The following SNX31 variants were observed in gnomAD, a reference collection of about 807,000 sequenced individuals.
SNX31 encodes the protein sorting nexin 31, also known as sorting nexin-31.
SNX31 carries 58 observed loss-of-function variants against 65.4 expected under a neutral mutation model. The observed-to-expected ratio is 0.89, with a 90% confidence interval of 0.72 to 1.10. The LOEUF is 1.10. SNX31 is among the 50% of genes least tolerant of loss of function. The pLI, the probability that SNX31 is intolerant of heterozygous loss-of-function variation, is 0.00. For synonymous variants in SNX31, 181 were observed against 190.1 expected, an observed-to-expected ratio of 0.95 and a Z score of 0.39; for missense variants, 523 against 529.7, an observed-to-expected ratio of 0.99 and a Z score of 0.12.
In SNX31 at chr8:100,578,392, C is replaced by G. The variant is rs963924938; in HGVS notation, c.1171-1317G>C. On this transcript the variant is annotated intron_variant, in intron 12 of 13. Transcript: ENST00000311812. The surrounding 1 kb of genome is among the most constrained non-coding windows in gnomAD (Gnocchi z 4.7). ...GCCTTTCTCCTCCAACATATTAGCT[C>G]TTTGACTCTGGATCCTCAGGTTTAG... Among the ~76,000 whole-genome samples, 3 of 152,218 alleles carry G rather than the reference C, an allele frequency of 2.0e-5. No homozygotes were observed. Among genetic ancestry groups the G allele is most frequent in the Non-Finnish European group, 4.4e-5 (3 of 68,036 alleles).
intron 5 of SNX31, 55 bp downstream of exon 5, chr8:100,617,565 C>G (rs1817324678): frequency 4.7e-6 from 6 of 1,279,270 alleles, no homozygotes; most frequent in Non-Finnish European, 5.6e-6. Flanking sequence ...CTCTGCTTTC[C>G]AAACAGAACC....
chr8:100,596,684 GA>G lies in SNX31; in HGVS notation c.932del (p.Ile311ThrfsTer5). ...ACTTCACCCTGCTCATCTGGAAAAC[GA>G]TGTCCTGGGTCTGGCTGTCAGGCAG... ...ITLPDSQTQDIVFQMSRVKCW... is the reference protein window; with the variant it reads ...ITLPDSQTQDXVFQMSRVKCW... On this transcript the variant is annotated frameshift_variant, in exon 10 of 14. Coordinates refer to ENST00000311812, the MANE Select transcript of SNX31 (RefSeq NM_152628.4). LOFTEE classifies it high-confidence loss of function. 1 of 1,614,162 alleles carries G rather than the reference GA, an allele frequency of 6.2e-7. No individual in the cohort carries two copies. Among genetic ancestry groups the G allele is most frequent in the Non-Finnish European group, 8.5e-7 (1 of 1,180,020 alleles).
intron 9 of SNX31, among the ~76,000 whole-genome samples, chr8:100,599,806 C>T (rs150840285): frequency 3.8e-4 from 58 of 152,194 alleles, no homozygotes; most frequent in Non-Finnish European, 3.5e-4. Flanking sequence ...AACACCTTTA[C>T]GGAAACTTTA....
intron 9 of SNX31, among the ~76,000 whole-genome samples, chr8:100,600,072 G>C (rs1438714403): frequency 6.6e-6 from 1 of 152,054 alleles, no homozygotes. Context: ...CCATAAAATG[G>C]AATACTCTGT....
chr8:100,662,997 C>T (rs533615662), intron 1 of SNX31: 2 of 152,264 alleles, frequency 1.3e-5, no homozygotes, highest in East Asian at 3.9e-4. Context: ...AAGCCGTTAT[C>T]CTAAGCAAAT....
intron 9 of SNX31, among the ~76,000 whole-genome samples, chr8:100,598,369 T>C (rs538308889): frequency 6.6e-6 from 1 of 152,362 alleles, no homozygotes; most frequent in Admixed American, 6.5e-5. Context: ...TGTCATGCTT[T>C]TGCTACAACA....
intron 10 of SNX31, among the ~76,000 whole-genome samples, chr8:100,595,279 C>A (rs1814969062): frequency 6.6e-6 from 1 of 151,368 alleles, no homozygotes; most frequent in African/African-American, 2.4e-5. Flanking sequence ...CATGTTGAGA[C>A]CAAGCTGTGA....
At chr8:100,618,204 T>C (rs1817400642) in intron 4 of SNX31, 2 of 1,440,686 alleles carry the variant, frequency 1.4e-6, no homozygotes, top group Non-Finnish European at 1.8e-6. Context: ...TTGTGGGGTA[T>C]AGTGGAGGCA....
At chr8:100,619,151 G>A (rs1817496453) in intron 4 of SNX31, 1 of 152,220 alleles carries the variant, frequency 6.6e-6, no homozygotes, top group South Asian at 2.1e-4. Context: ...CTCAGGCAAT[G>A]TTGAAAGGTG....
At chr8:100,608,443 C>G (rs772321504) in intron 8 of SNX31, 51 bp downstream of exon 8, 5 of 1,579,318 alleles carry the variant, frequency 3.2e-6, no homozygotes, top group Non-Finnish European at 4.4e-6. Flanking sequence ...TGGCTCCAAG[C>G]CAACATGGCC....
In SNX31 at chr8:100,613,197, A is replaced by G; in HGVS notation, c.433-112T>C. The G allele has an allele frequency of 3.7e-6, 3 of 808,490 alleles. No homozygotes were observed. The highest frequency in any genetic ancestry group is 6.2e-6 in the Non-Finnish European group (3 of 480,796). The allele number at this position is 808,490 out of a possible 1,614,324, so 50.1% of individuals were successfully genotyped here. A position where few individuals can be genotyped will look rare whatever the true frequency, so the allele number is the denominator to read the frequency against. On this transcript the variant is annotated intron_variant, in intron 5 of 13. Coordinates refer to ENST00000311812, the MANE Select transcript of SNX31 (RefSeq NM_152628.4). The surrounding 1 kb of genome is among the most constrained non-coding windows in gnomAD (Gnocchi z 5.2). ...GTACACATCAATAAAAAATGCTGTC[A>G]TGGGTTAGTGAACACTCAAAGAAAG...
rs1818073656 is a variant in SNX31 at position 100,626,844 on chromosome 8, A to T, written c.321+3483T>A. 6.6e-6 allele frequency among the ~76,000 whole-genome samples: 1 copy of T among 152,228 alleles called. No homozygotes were observed. Reference sequence around the variant, plus strand: ...ATAGATAAAAGCCTCAAGAAATAAGATAACAAAAGGATATAAAAGTGAGCT... The same window carrying T: ...ATAGATAAAAGCCTCAAGAAATAAGTTAACAAAAGGATATAAAAGTGAGCT... On this transcript the variant is annotated intron_variant, in intron 4 of 13. Coordinates refer to ENST00000311812, the MANE Select transcript of SNX31 (RefSeq NM_152628.4). This position sits in a 1 kb window ranked among gnomAD's most constrained non-coding sequence, Gnocchi z 4.4.
rs5893526 is a variant in SNX31, at chr8:100,610,358, ATTTT to A, written c.611+1638_611+1641del. Among the ~76,000 whole-genome samples the A allele has an allele frequency of 4.2e-5, 6 of 144,088 alleles. No homozygotes were observed. The highest frequency in any genetic ancestry group is 3.1e-5 in the Non-Finnish European group (2 of 65,222). The allele number at this position is 144,088 out of a possible 152,430, so 94.5% of individuals were successfully genotyped here. A position where few individuals can be genotyped will look rare whatever the true frequency, so the allele number is the denominator to read the frequency against. On this transcript the variant is annotated intron_variant, in intron 7 of 13. Transcript: ENST00000311812. This position sits in a 1 kb window ranked among gnomAD's most constrained non-coding sequence, Gnocchi z 4.0. ...ATGAGTGAAAATCTAAGCCCCAAAG[ATTTT>A]TTTTTTTTTTTTGCTTCCTATAATC...
chr8:100,579,914 C>T (rs1429564428), intron 12 of SNX31, among the ~76,000 whole-genome samples: 2 of 151,810 alleles, frequency 1.3e-5, no homozygotes, highest in African/African-American at 4.8e-5. Flanking sequence ...AATCTCAGCA[C>T]TTCGGGAGGC....
At chr8:100,600,472 G>A in intron 8 of SNX31, 31 bp from the exon 9 acceptor site, 1 of 1,567,802 alleles carries the variant, frequency 6.4e-7, no homozygotes, top group South Asian at 1.2e-5. Context: ...AAAATTAGCA[G>A]TCTTAGCAGA....
At chr8:100,639,159 A>G (rs191623395) in intron 2 of SNX31, among the ~76,000 whole-genome samples, 127 of 152,352 alleles carry the variant, frequency 8.3e-4, no homozygotes, top group African/African-American at 3.0e-3. Context: ...CAAAATTACA[A>G]CAGAACTTGA....
intron 2 of SNX31, among the ~76,000 whole-genome samples, chr8:100,639,736 G>T: frequency 6.6e-6 from 1 of 152,156 alleles, no homozygotes; most frequent in East Asian, 1.9e-4. Context: ...CAACACTCCA[G>T]TAACAATGAA....
chr8:100,642,367 C>T (rs28468574), intron 2 of SNX31, among the ~76,000 whole-genome samples: 71,858 of 152,028 alleles, frequency 0.47, 17,218 homozygotes, highest in South Asian at 0.53. Context: ...CAGATGTTCC[C>T]GAATCAGTTC....
intron 5 of SNX31, among the ~76,000 whole-genome samples, chr8:100,615,804 C>G (rs980469819): frequency 3.3e-5 from 5 of 152,168 alleles, no homozygotes; most frequent in Admixed American, 2.6e-4. Context: ...GAGTCTTGCT[C>G]TGTCGCCCAG....
Sources: gnomAD v4.1 joint callset for allele counts (sites outside exome capture counted in the v4.1 genomes callset) on GRCh38, gnomAD v4.1.1 for gene constraint, Gnocchi (gnomAD v3.1) non-coding constraint, MANE v1.5 for transcripts, NCBI Gene and HGNC (gene_info 2026-07-23, HGNC 2026-07-21) for gene names.